The following TRDN variants were observed in gnomAD, a reference collection of about 807,000 sequenced individuals.
TRDN encodes the protein triadin.
In TRDN, 161 loss-of-function variants were observed where a neutral mutation model predicts 149.7. The ratio of observed to expected loss-of-function variants is 1.08; its 90% CI spans 0.95 to 1.23. The LOEUF (loss-of-function observed/expected upper bound fraction) is 1.23, where lower values mean the gene tolerates loss of function less well. Ranked by LOEUF, TRDN falls within the 50% of genes most tolerant of loss-of-function variation. The pLI is 0.00. For synonymous variants in TRDN, 294 were observed against 250.5 expected (o/e 1.17, Z -1.64); for missense variants, 896 against 823.5 (o/e 1.09, Z -1.08).
chr6:123,620,772 C>T (rs1025662449), intron 1 of TRDN, among the ~76,000 whole-genome samples: 1 of 152,126 alleles, frequency 6.6e-6, no homozygotes, highest in Non-Finnish European at 1.5e-5. Context: ...GGGCAATCTT[C>T]ATCTAAAAGC....
chr6:123,293,231 G>A (rs1253243281), intron 24 of TRDN, among the ~76,000 whole-genome samples: 1 of 152,076 alleles, frequency 6.6e-6, no homozygotes, highest in East Asian at 1.9e-4. Flanking sequence ...TAACCATAGT[G>A]ATGCTGAAAT....
At chr6:123,603,561 T>C (rs923796262) in intron 1 of TRDN, among the ~76,000 whole-genome samples, 1 of 152,192 alleles carries the variant, frequency 6.6e-6, no homozygotes, top group Non-Finnish European at 1.5e-5. Flanking sequence ...TATTCTTTCA[T>C]ACATTCATTT....
chr6:123,606,631 C>T (rs943869895), intron 1 of TRDN, among the ~76,000 whole-genome samples: 2 of 152,000 alleles, frequency 1.3e-5, no homozygotes, highest in Non-Finnish European at 2.9e-5. Context: ...CACTGATTTT[C>T]TTCCTGATAT....
intron 10 of TRDN, among the ~76,000 whole-genome samples, chr6:123,441,537 A>G (rs1043001221): frequency 2.0e-5 from 3 of 151,732 alleles, no homozygotes; most frequent in African/African-American, 7.3e-5. Context: ...ATCACAGAAG[A>G]GTGTGGTTGG....
At chr6:123,455,290 A>C (rs893537736) in intron 10 of TRDN, among the ~76,000 whole-genome samples, 52 of 151,998 alleles carry the variant, frequency 3.4e-4, no homozygotes, top group African/African-American at 1.2e-3. Flanking sequence ...GAAAATGATA[A>C]AGCTTTTTAC....
intron 9 of TRDN, among the ~76,000 whole-genome samples, chr6:123,472,893 A>G (rs538657057): frequency 3.1e-4 from 47 of 152,324 alleles, no homozygotes; most frequent in African/African-American, 1.1e-3. Context: ...CCTGTCTGTT[A>G]GAAGGAAAAC....
chr6:123,403,190 G>A (rs922430129), intron 12 of TRDN, among the ~76,000 whole-genome samples: 37 of 152,058 alleles, frequency 2.4e-4, no homozygotes, highest in Admixed American at 2.4e-3. Flanking sequence ...AACAAGGCCA[G>A]GGAAAAGACA....
chr6:123,455,728 T>C (rs1776080324), intron 10 of TRDN, among the ~76,000 whole-genome samples: 1 of 152,328 alleles, frequency 6.6e-6, no homozygotes, highest in African/African-American at 2.4e-5. Flanking sequence ...TTACTCAAGA[T>C]GTTTTATTGT....
At chr6:123,230,483 A>G (rs1582748647) in intron 38 of TRDN, among the ~76,000 whole-genome samples, 1 of 151,846 alleles carries the variant, frequency 6.6e-6, no homozygotes, top group South Asian at 2.1e-4. Context: ...ACATGTTTAC[A>G]TATGTAACAA....
At chr6:123,404,764 C>T (rs1441918933) in intron 12 of TRDN, among the ~76,000 whole-genome samples, 2 of 152,146 alleles carry the variant, frequency 1.3e-5, no homozygotes, top group Non-Finnish European at 2.9e-5. Context: ...CTTTAGTTCA[C>T]GTTTGTGTCA....
intron 8 of TRDN, among the ~76,000 whole-genome samples, chr6:123,497,779 A>G (rs1312614610): frequency 6.6e-6 from 1 of 152,168 alleles, no homozygotes; most frequent in Non-Finnish European, 1.5e-5. Flanking sequence ...TCTGAATAAA[A>G]ATGCTCTTTA....
At position 123,256,666 on chromosome 6, in the gene TRDN, GT is replaced by G. The variant is rs951442706; in HGVS notation, c.1871-765del. On this transcript the variant is annotated intron_variant, in intron 35 of 40. Transcript: ENST00000334268. ...CAACCACTTTTTGATGGGGTTGTGT[GT>G]TTTTTTTTTCTTGTAAGTTTGTTTA... Among the ~76,000 whole-genome samples the G allele has an allele frequency of 6.8e-4, 100 of 146,284 alleles. 1 individual carries two copies. The highest frequency in any genetic ancestry group is 7.6e-3 in the Middle Eastern group (2 of 264).
chr6:123,321,886 G>T (rs1779255995), intron 23 of TRDN, among the ~76,000 whole-genome samples: 3 of 151,768 alleles, frequency 2.0e-5, no homozygotes, highest in African/African-American at 7.3e-5. Flanking sequence ...AGATTTCACT[G>T]CCTTTGAGTT....
chr6:123,419,504 G>T (rs1343870402), intron 12 of TRDN, among the ~76,000 whole-genome samples: 1 of 152,076 alleles, frequency 6.6e-6, no homozygotes, highest in African/African-American at 2.4e-5. Context: ...CTCCAAAGTA[G>T]CTAGGACTAC....
chr6:123,618,878 G>A (rs904918639), intron 1 of TRDN, among the ~76,000 whole-genome samples: 8 of 151,364 alleles, frequency 5.3e-5, no homozygotes, highest in Admixed American at 2.0e-4. Flanking sequence ...CTTCTTCCTT[G>A]TTCTTTTTTA....
intron 9 of TRDN, among the ~76,000 whole-genome samples, chr6:123,486,780 T>C (rs1015826276): frequency 2.6e-5 from 4 of 152,012 alleles, no homozygotes; most frequent in Non-Finnish European, 1.5e-5. Flanking sequence ...ACCATACATA[T>C]TTTGTTTATT....
chr6:123,313,388 T>A (rs896761203), intron 24 of TRDN, among the ~76,000 whole-genome samples: 1 of 152,052 alleles, frequency 6.6e-6, no homozygotes, highest in Non-Finnish European at 1.5e-5. Flanking sequence ...GTTTTCAGCC[T>A]TCTTGCACTG....
intron 22 of TRDN, among the ~76,000 whole-genome samples, chr6:123,336,717 T>C (rs1779885402): frequency 6.6e-6 from 1 of 151,824 alleles, no homozygotes; most frequent in African/African-American, 2.4e-5. Flanking sequence ...AATTGTTGAA[T>C]ATAGCACTGA....
intron 1 of TRDN, among the ~76,000 whole-genome samples, chr6:123,580,174 G>T (rs1278360097): frequency 1.3e-5 from 2 of 152,030 alleles, no homozygotes; most frequent in Non-Finnish European, 2.9e-5. Flanking sequence ...ACTTGTTACT[G>T]ACCATTTCAG....
Sources: allele counts gnomAD v4.1 joint callset (sites outside exome capture counted in the v4.1 genomes callset), GRCh38; gene constraint gnomAD v4.1.1; transcripts MANE v1.5; gene names NCBI Gene and HGNC (gene_info 2026-07-23, HGNC 2026-07-21).